The following B3GAT3 variants were observed in gnomAD, a reference collection of about 807,000 sequenced individuals.
B3GAT3 encodes galactosylgalactosylxylosylprotein 3-beta-glucuronosyltransferase 3.
B3GAT3 carries 19 observed loss-of-function variants against 33.1 expected under a neutral mutation model. The ratio of observed to expected loss-of-function variants is 0.57; its 90% CI spans 0.40 to 0.84. The LOEUF (loss-of-function observed/expected upper bound fraction) is 0.84, where lower values mean the gene tolerates loss of function less well. B3GAT3 is among the 40% of genes least tolerant of loss of function. The probability of loss-of-function intolerance (pLI) is 0.00; values close to 1 mark genes in which losing one functional copy is unlikely to be tolerated. For synonymous variants in B3GAT3, 167 were observed against 193.5 expected (o/e 0.86, Z 1.14); for missense variants, 344 against 441.5 (o/e 0.78, Z 1.98).
chr11:62,615,836 C>G, intron 4 of B3GAT3, 37 bp from the exon 5 acceptor site: 1 of 1,607,414 alleles, frequency 6.2e-7, no homozygotes, highest in Non-Finnish European at 8.5e-7. Context: ...CCAGGCCCAG[C>G]TGCAGCCAGG....
At chr11:62,621,049 A>G (rs1481361036) in intron 1 of B3GAT3, 1 of 483,414 alleles carries the variant, frequency 2.1e-6, no homozygotes, top group East Asian at 6.2e-5. Context: ...ACAGTCTTTC[A>G]AATACCTGAG....
chr11:62,616,443 G>C, intron 4 of B3GAT3, 63 bp downstream of exon 4: 2 of 1,608,138 alleles, frequency 1.2e-6, no homozygotes, highest in Admixed American at 1.7e-5. Flanking sequence ...GGGTCTCACT[G>C]TACCTCCCCC....
At chr11:62,616,112 C>T (rs1943018398) in intron 4 of B3GAT3, 2 of 646,900 alleles carry the variant, frequency 3.1e-6, no homozygotes, top group African/African-American at 1.9e-5. Context: ...GGCGTGGTAG[C>T]GGGTGCCTGT....
chr11:62,620,344 C>T (rs1044330287), intron 2 of B3GAT3, among the ~76,000 whole-genome samples, 153 bp downstream of exon 2: 1 of 152,236 alleles, frequency 6.6e-6, no homozygotes, highest in African/African-American at 2.4e-5. Context: ...TATTTTCCCA[C>T]AAATATTTGA....
In B3GAT3 at chr11:62,616,998, G is replaced by C; in HGVS notation, c.607C>G (p.Leu203Val). ...ADDDNTYSRE[L>V]FEEMRWTRGV... is the part of the protein sequence containing the mutation. ...ATCCTGGTGCTCACCTCCTCAAACA[G>C]CTCCCGGCTGTAGGTGTTGTCATCG... Residue 203 changes from leucine (L) to valine (V), a missense_variant, in exon 3 of 5, where the codon CTG becomes GTG. By Grantham distance (32) the Leu-to-Val change is conservative. Coordinates refer to ENST00000265471, the MANE Select transcript of B3GAT3 (RefSeq NM_012200.4). The C allele has an allele frequency of 6.2e-7, 1 of 1,614,168 alleles. No individual in the cohort carries two copies. The highest frequency in any genetic ancestry group is 8.5e-7 in the Non-Finnish European group (1 of 1,180,040).
At chr11:62,621,249 G>A (rs1327922847) in intron 1 of B3GAT3, 5 of 456,640 alleles carry the variant, frequency 1.1e-5, no homozygotes, top group South Asian at 7.7e-5. Context: ...AACAGACACA[G>A]TCCCTGCCCT....
At chr11:62,616,844 G>A (rs1232687210) in intron 3 of B3GAT3, 48 bp from the exon 4 acceptor site, 4 of 1,612,944 alleles carry the variant, frequency 2.5e-6, no homozygotes, top group Non-Finnish European at 3.4e-6. Flanking sequence ...CCGGGGAAGG[G>A]AGCAGCAGAA....
chr11:62,621,136 A>C (rs889340686), intron 1 of B3GAT3: 4 of 458,308 alleles, frequency 8.7e-6, no homozygotes, highest in Middle Eastern at 3.2e-4. Flanking sequence ...AGGTGACCAA[A>C]GACTCATTGT....
chr11:62,617,879 A>G (rs1258760724), intron 2 of B3GAT3, among the ~76,000 whole-genome samples: 1 of 147,254 alleles, frequency 6.8e-6, no homozygotes, highest in East Asian at 2.0e-4. Flanking sequence ...CTCCATCTCA[A>G]AAAAAAAAAA....
Position 62,620,541 on chromosome 11 carries a change from G to A in B3GAT3, c.213C>T (p.Pro71=), listed in dbSNP as rs143334227. 2.1e-4 allele frequency: 335 copies of A among 1,612,888 alleles called. No individual in the cohort carries two copies. The highest frequency in any genetic ancestry group is 4.2e-4 in the Admixed American group (25 of 59,972). The change falls in exon 2 of 5, where the codon CCC becomes CCT. Residue 71 remains proline (P), a synonymous_variant. Coordinates refer to ENST00000265471, the MANE Select transcript of B3GAT3 (RefSeq NM_012200.4). ...CAACATAGATAGTAGGCAGGGCCTC[G>A]GGTTCAGGGGGCTGGGCAGGGGCAG... ...PPPAPAQPPE[P]EALPTIYVVT... is the part of the protein sequence containing the mutation.
At chr11:62,620,410 TCCTAGC>T in intron 2 of B3GAT3, 81 bp downstream of exon 2, 1 of 1,273,864 alleles carries the variant, frequency 7.9e-7, no homozygotes, top group East Asian at 2.3e-5. Flanking sequence ...GAGGAACAAC[TCCTAGC>T]CCAGTGCCTC....
chr11:62,620,275 G>A (rs1005421956), intron 2 of B3GAT3, among the ~76,000 whole-genome samples: 10 of 152,146 alleles, frequency 6.6e-5, no homozygotes, highest in African/African-American at 2.4e-4. Context: ...CACCCGCCTC[G>A]GCCTCCCAAA....
At chr11:62,616,038 T>C (rs1185337702) in intron 4 of B3GAT3, 10 of 1,257,838 alleles carry the variant, frequency 8.0e-6, no homozygotes, top group Non-Finnish European at 8.4e-6. Flanking sequence ...GGTCAGGAGA[T>C]TGAGACCATC....
Position 62,617,211 on chromosome 11 carries a change from AGAG to A in B3GAT3, c.391_393del (p.Leu131del), listed in dbSNP as rs1301129998. ...GGCGTGAGGACCACCAGGTGTGTGA[AGAG>A]GAGGCCAGAGGCAGCCAGCAGCCCT... On this transcript the variant is annotated inframe_deletion, in exon 3 of 5. Transcript: ENST00000265471. The A allele has an allele frequency of 1.2e-6, 2 of 1,613,616 alleles. No homozygotes were observed. Among genetic ancestry groups the A allele is most frequent in the African/African-American group, 1.3e-5 (1 of 74,914 alleles).
rs761473599 is a variant in B3GAT3 at position 62,616,737 on chromosome 11, G to A, written c.678C>T (p.Phe226=). Residue 226 remains phenylalanine (F), a synonymous_variant, in exon 4 of 5, where the codon TTC becomes TTT. Coordinates refer to ENST00000265471, the MANE Select transcript of B3GAT3 (RefSeq NM_012200.4). ...WPVGLVGGLR[F]EGPQVQDGRV... ...GGCCGTCCTGTACCTGAGGGCCCTC[G>A]AATCGCAGGCCGCCCACCAGCCCCA... 2.5e-5 allele frequency: 41 copies of A among 1,613,820 alleles called. No homozygotes were observed. Among genetic ancestry groups the A allele is most frequent in the East Asian group, 6.7e-5 (3 of 44,892 alleles).
At chr11:62,616,243 GAAAA>G in intron 4 of B3GAT3, 1 of 495,626 alleles carries the variant, frequency 2.0e-6, no homozygotes, top group Non-Finnish European at 3.6e-6. Flanking sequence ...GACTCTGTCT[GAAAA>G]AAAAAAAAAA....
intron 4 of B3GAT3, chr11:62,616,172 A>T: frequency 3.8e-6 from 2 of 522,358 alleles, no homozygotes; most frequent in Non-Finnish European, 6.7e-6. Context: ...TGAACCCGGG[A>T]GGCGGAGCTT....
Position 62,616,048 on chromosome 11 carries a change from C to T in B3GAT3, c.910-249G>A, listed in dbSNP as rs2134427032. On this transcript the variant is annotated intron_variant, in intron 4 of 4. Transcript: ENST00000265471. ...CACGAGGTCAGGAGATTGAGACCAT[C>T]CTGGCTAACACCGTGAAACCCCGTC... The T allele has an allele frequency of 3.4e-6, 4 of 1,181,184 alleles. No homozygotes were observed. The South Asian group carries it at 6.4e-5, about 19-fold the overall frequency. The allele number at this position is 1,181,184 out of a possible 1,614,324, so 73.2% of individuals were successfully genotyped here.
At chr11:62,618,138 C>G (rs1236840403) in intron 2 of B3GAT3, among the ~76,000 whole-genome samples, 1 of 119,620 alleles carries the variant, frequency 8.4e-6, no homozygotes, top group African/African-American at 3.2e-5. Flanking sequence ...GATTGTGCCA[C>G]TGCACTCCAG....
Sources: gnomAD v4.1 joint callset for allele counts (sites outside exome capture counted in the v4.1 genomes callset) on GRCh38, gnomAD v4.1.1 for gene constraint, MANE v1.5 for transcripts, NCBI Gene and HGNC (gene_info 2026-07-23, HGNC 2026-07-21) for gene names.